The following IQGAP2 variants were observed in gnomAD, a reference collection of about 807,000 sequenced individuals.
IQGAP2 encodes the protein IQ motif containing GTPase activating protein 2, also known as ras GTPase-activating-like protein IQGAP2.
Under a neutral mutation model 201.3 loss-of-function variants are expected in IQGAP2, and 173 were observed. That is an observed-to-expected ratio of 0.86 (90% CI 0.76 to 0.98). IQGAP2 has a LOEUF of 0.98. IQGAP2 is among the 50% of genes least tolerant of loss of function. IQGAP2 has a pLI of 0.00. For synonymous variants in IQGAP2, 675 were observed against 673.9 expected (o/e 1.00, Z -0.03); for missense variants, 1,687 against 1,864.8 (o/e 0.90, Z 1.76).
rs375197957 is a variant in IQGAP2 at position 76,413,028 on chromosome 5, T to TCTGTATCCTTCTTTAC, written c.46+9464_46+9479dup. Among the ~76,000 whole-genome samples, 5 of 152,044 alleles carry TCTGTATCCTTCTTTAC rather than the reference T, an allele frequency of 3.3e-5. No homozygotes were observed. The East Asian group carries it at 7.7e-4, about 23-fold the overall frequency. ...CCCCCTCATTACTGCTGCCCCTTGG[T>TCTGTATCCTTCTTTAC]CTGTATCCTTCTTTACCTGTATCCT... On this transcript the variant is annotated intron_variant, in intron 1 of 35. Coordinates refer to ENST00000274364, the MANE Select transcript of IQGAP2 (RefSeq NM_006633.5).
Position 76,562,501 on chromosome 5 carries a change from G to A in IQGAP2, c.252G>A (p.Pro84=), listed in dbSNP as rs773595191. 105 of 1,613,896 alleles carry A rather than the reference G, an allele frequency of 6.5e-5. No homozygotes were observed. The highest frequency in any genetic ancestry group is 2.8e-4 in the Admixed American group (17 of 59,996). Residue 84 remains proline (P), a synonymous_variant, in exon 3 of 36, where the codon CCG becomes CCA. Transcript: ENST00000274364. ...CAAAGTTAGCCAAGTTCTTTGCCCC[G>A]AAAATGGTATCAGAGAAAAAGATCT... ...YLAKLAKFFA[P]KMVSEKKIYD...
chr5:76,619,049 T>C (rs897345800), intron 13 of IQGAP2, among the ~76,000 whole-genome samples: 10 of 152,182 alleles, frequency 6.6e-5, no homozygotes, highest in Non-Finnish European at 1.0e-4. Flanking sequence ...AGATGGAATT[T>C]AATGAGTAAG....
chr5:76,493,976 A>C (rs1251144309), intron 2 of IQGAP2, among the ~76,000 whole-genome samples: 1 of 152,242 alleles, frequency 6.6e-6, no homozygotes, highest in East Asian at 1.9e-4. Flanking sequence ...TAGTATTTGC[A>C]TATAACCTAT....
chr5:76,630,374 T>C (rs1305363219), intron 14 of IQGAP2, among the ~76,000 whole-genome samples: 1 of 152,200 alleles, frequency 6.6e-6, no homozygotes, highest in Non-Finnish European at 1.5e-5. Flanking sequence ...GCACCTACTT[T>C]ATACCATAGA....
At chr5:76,669,946 C>G (rs113195791) in intron 23 of IQGAP2, among the ~76,000 whole-genome samples, 1,923 of 152,276 alleles carry the variant, frequency 0.013, 44 homozygotes, top group African/African-American at 0.043. Context: ...CCTCAGCCTC[C>G]TGAGTAGCTG....
In IQGAP2 at chr5:76,600,754, A is replaced by G. The variant is rs1580564113; in HGVS notation, c.1072-58A>G. On this transcript the variant is annotated intron_variant, in intron 10 of 35. Coordinates refer to ENST00000274364, the MANE Select transcript of IQGAP2 (RefSeq NM_006633.5). ...GTTGAAATGTGCATTGTAAACCTCC[A>G]TCATGCACATGAGGTGTGTTGTGTG... 4 of 1,581,532 alleles carry G rather than the reference A, an allele frequency of 2.5e-6. No individual in the cohort carries two copies. In the South Asian group the frequency reaches 4.5e-5, roughly 18 times the overall value.
chr5:76,479,825 A>G (rs569564807), intron 2 of IQGAP2, among the ~76,000 whole-genome samples: 47 of 152,296 alleles, frequency 3.1e-4, no homozygotes, highest in Admixed American at 2.9e-3. Flanking sequence ...AATGATATTC[A>G]GAAGTCTTGT....
chr5:76,518,327 C>T (rs1030384206), intron 2 of IQGAP2, among the ~76,000 whole-genome samples: 17 of 152,252 alleles, frequency 1.1e-4, no homozygotes, highest in South Asian at 4.1e-4. Context: ...TCATTGCAGA[C>T]GGCAAGGAGG....
intron 2 of IQGAP2, among the ~76,000 whole-genome samples, chr5:76,518,473 A>T (rs1011407348): frequency 2.6e-5 from 4 of 152,186 alleles, no homozygotes; most frequent in African/African-American, 9.7e-5. Flanking sequence ...ACTTGCCCCC[A>T]TGATTCAATT....
chr5:76,550,017 G>A (rs886314135), intron 2 of IQGAP2, among the ~76,000 whole-genome samples: 10 of 152,078 alleles, frequency 6.6e-5, no homozygotes, highest in African/African-American at 2.4e-4. Context: ...ACCCATTCTA[G>A]CATCAATTCT....
chr5:76,449,496 G>A (rs1753600814), intron 1 of IQGAP2, among the ~76,000 whole-genome samples: 1 of 152,126 alleles, frequency 6.6e-6, no homozygotes, highest in African/African-American at 2.4e-5. Context: ...CCCATGAAGT[G>A]CCCTGCAACT....
intron 10 of IQGAP2, among the ~76,000 whole-genome samples, chr5:76,599,051 G>A (rs1190313263): frequency 2.0e-5 from 3 of 152,120 alleles, no homozygotes; most frequent in Non-Finnish European, 4.4e-5. Context: ...AAAAGAGCTT[G>A]AGTGGTAGCA....
intron 11 of IQGAP2, among the ~76,000 whole-genome samples, chr5:76,605,272 G>T (rs747058552): frequency 6.6e-6 from 1 of 152,138 alleles, no homozygotes; most frequent in African/African-American, 2.4e-5. Context: ...TAATTGGAGT[G>T]GTTGACTAAA....
intron 1 of IQGAP2, among the ~76,000 whole-genome samples, chr5:76,438,868 G>A (rs1038225014): frequency 6.6e-6 from 1 of 151,970 alleles, no homozygotes; most frequent in Non-Finnish European, 1.5e-5. Flanking sequence ...CTGACGTTTT[G>A]TATTTTTTGT....
chr5:76,524,968 C>T (rs1349524841), intron 2 of IQGAP2, among the ~76,000 whole-genome samples: 1 of 152,214 alleles, frequency 6.6e-6, no homozygotes, highest in African/African-American at 2.4e-5. Flanking sequence ...AACAAGGAAG[C>T]TATCTTTTTC....
rs954189699 is a variant in IQGAP2 at position 76,553,166 on chromosome 5, C to T, written c.147-9230C>T. Among the ~76,000 whole-genome samples, 6 of 152,066 alleles carry T rather than the reference C, an allele frequency of 3.9e-5. No homozygotes were observed. In the South Asian group the frequency reaches 1.2e-3, roughly 32 times the overall value. ...GGCCTCCAGCTAATGAAAAGTTTTGCCATGAGAACTTAACTTAGTCCTTCT... is the reference window on the plus strand; with the variant it reads ...GGCCTCCAGCTAATGAAAAGTTTTGTCATGAGAACTTAACTTAGTCCTTCT... On this transcript the variant is annotated intron_variant, in intron 2 of 35. Transcript: ENST00000274364.
intron 2 of IQGAP2, among the ~76,000 whole-genome samples, chr5:76,529,825 C>T (rs1759187142): frequency 6.6e-6 from 1 of 152,024 alleles, no homozygotes; most frequent in Non-Finnish European, 1.5e-5. Flanking sequence ...TTATCAGGGG[C>T]TTCTTTTTCC....
intron 2 of IQGAP2, among the ~76,000 whole-genome samples, chr5:76,482,956 A>G (rs1755877365): frequency 6.6e-6 from 1 of 152,184 alleles, no homozygotes; most frequent in Non-Finnish European, 1.5e-5. Context: ...TTTCACACCT[A>G]TATCCCAGCA....
In IQGAP2 at chr5:76,611,129, C is replaced by G; in HGVS notation, c.1467C>G (p.Ala489=). The change falls in exon 13 of 36, where the codon GCC becomes GCG. Residue 489 remains alanine (A), a synonymous_variant. Coordinates refer to ENST00000274364, the MANE Select transcript of IQGAP2 (RefSeq NM_006633.5). The stretch of plus-strand genomic sequence containing the variant: ...CGAATATTAGTGATGTGGACCCAGC[C>G]CATGCCCAGCACTACCAGGATGTTT... The part of the protein sequence containing the change: ...PTANISDVDP[A]HAQHYQDVLY... 2 of 1,613,904 alleles carry G rather than the reference C, an allele frequency of 1.2e-6. No homozygotes were observed. Among genetic ancestry groups the G allele is most frequent in the Non-Finnish European group, 1.7e-6 (2 of 1,179,902 alleles).
Sources: allele counts gnomAD v4.1 joint callset (sites outside exome capture counted in the v4.1 genomes callset), GRCh38; gene constraint gnomAD v4.1.1; transcripts MANE v1.5; gene names NCBI Gene and HGNC (gene_info 2026-07-23, HGNC 2026-07-21).